ZNF396: variants seen among roughly 807,000 people sequenced by gnomAD.
The protein encoded by ZNF396 is zinc finger protein 396, also known as zinc finger and SCAN domain-containing protein 14.
A neutral mutation model predicts 20.5 loss-of-function variants in ZNF396; 14 were observed. The ratio of observed to expected loss-of-function variants is 0.68; its 90% CI spans 0.45 to 1.07. The LOEUF is 1.07. Ranked by LOEUF, ZNF396 falls within the 50% of genes least tolerant of loss-of-function variation. The pLI is 0.00. For missense variants in ZNF396, 347 were observed against 390.1 expected (o/e 0.89, Z 0.93); for synonymous variants, 119 against 140.6 (o/e 0.85, Z 1.08).
rs2045120140 is a variant in ZNF396, at chr18:35,368,233, C to T, written c.*982G>A. 2.2e-6 allele frequency: 1 copy of T among 463,594 alleles called. No homozygotes were observed. The highest frequency in any genetic ancestry group is 2.0e-5 in the African/African-American group (1 of 49,282). 28.7% of individuals were successfully genotyped at this position (463,594 alleles called of 1,614,324 possible). On this transcript the variant is annotated 3_prime_UTR_variant, in exon 4 of 4. Coordinates refer to ENST00000589332, the MANE Select transcript of ZNF396 (RefSeq NM_001322286.2). Reference sequence around the variant, plus strand: ...TAGACAAGCAGTCATTTTCATGTTTCCATTGACTTATTTCCAAATTACATT... The same window carrying T: ...TAGACAAGCAGTCATTTTCATGTTTTCATTGACTTATTTCCAAATTACATT...
chr18:35,369,063 ATCT>A lies in ZNF396; in HGVS notation c.*149_*151del. 7.1e-7 allele frequency: 1 copy of A among 1,401,460 alleles called. No individual in the cohort carries two copies. The highest frequency in any genetic ancestry group is 9.2e-7 in the Non-Finnish European group (1 of 1,082,466). 86.8% of individuals were successfully genotyped at this position (1,401,460 alleles called of 1,614,324 possible). ...GAAAAGCAAATAATGCTGACCTGAG[ATCT>A]TCAACCTTCTCTCCTGTGGCTTTCA... On this transcript the variant is annotated 3_prime_UTR_variant, in exon 4 of 4. Transcript: ENST00000589332.
intron 3 of ZNF396, among the ~76,000 whole-genome samples, chr18:35,370,724 G>A (rs1014014873): frequency 4.0e-5 from 6 of 151,364 alleles, no homozygotes; most frequent in East Asian, 1.9e-4. Context: ...CGTTTTAGCC[G>A]GGATGGTCTC....
Position 35,368,974 on chromosome 18 carries a change from G to T in ZNF396, c.*241C>A. 1 of 1,295,168 alleles carries T rather than the reference G, an allele frequency of 7.7e-7. No individual in the cohort carries two copies. The highest frequency in any genetic ancestry group is 9.7e-7 in the Non-Finnish European group (1 of 1,025,686). 80.2% of individuals were successfully genotyped at this position (1,295,168 alleles called of 1,614,324 possible). On this transcript the variant is annotated 3_prime_UTR_variant, in exon 4 of 4. Coordinates refer to ENST00000589332, the MANE Select transcript of ZNF396 (RefSeq NM_001322286.2). ...GAATGCCTTTTCAAGGCCTGCATAG[G>T]GATGGAAATCTGAATTAAGCTTTGG...
At position 35,369,262 on chromosome 18, in the gene ZNF396, T is replaced by C. The variant is rs781036174; in HGVS notation, c.961A>G (p.Asn321Asp). 2.0e-5 allele frequency: 32 copies of C among 1,610,646 alleles called. 1 individual carries two copies. The highest frequency in any genetic ancestry group is 2.2e-5 in the East Asian group (1 of 44,876). ...DCGKAFSQSS[N>D]LFRHRKRHIR... ...TGTCTTTTCCTATGTCTAAAAAGAT[T>C]TGAGCTCTGACTAAAGGCTTTGCCA... The change falls in exon 4 of 4, where the codon AAT (asparagine) becomes GAT (aspartate). Residue 321 changes from asparagine to aspartate, a missense_variant. Physicochemically the swap from Asn to Asp is conservative, Grantham distance 23 (BLOSUM62 1). Coordinates refer to ENST00000589332, the MANE Select transcript of ZNF396 (RefSeq NM_001322286.2).
Sources: allele counts gnomAD v4.1 joint callset (sites outside exome capture counted in the v4.1 genomes callset), GRCh38; gene constraint gnomAD v4.1.1; transcripts MANE v1.5; gene names NCBI Gene and HGNC (gene_info 2026-07-23, HGNC 2026-07-21).